NRXN1: variants seen among roughly 807,000 people sequenced by gnomAD.
NRXN1 encodes the protein neurexin-1.
NRXN1 carries 39 observed loss-of-function variants against 150.9 expected under a neutral mutation model. That is an observed-to-expected ratio of 0.26 (90% CI 0.20 to 0.34). The LOEUF is 0.34. Among genes scored for constraint, NRXN1 ranks in the 10% least tolerant of loss-of-function variants. The pLI, the probability that NRXN1 is intolerant of heterozygous loss-of-function variation, is 1.00. For synonymous variants in NRXN1, 924 were observed against 757.0 expected (o/e 1.22, Z -3.62); for missense variants, 1,815 against 1,949.9 (o/e 0.93, Z 1.30).
At chr2:50,350,954 C>T (rs762382965) in intron 17 of NRXN1, among the ~76,000 whole-genome samples, 5 of 152,036 alleles carry the variant, frequency 3.3e-5, no homozygotes, top group South Asian at 4.1e-4. Flanking sequence ...TGCTGTGATA[C>T]GGATACAGCA....
At chr2:50,706,553 A>G (rs781022777) in intron 5 of NRXN1, among the ~76,000 whole-genome samples, 3 of 152,152 alleles carry the variant, frequency 2.0e-5, no homozygotes, top group Non-Finnish European at 2.9e-5. Context: ...CAAGATGAAC[A>G]TTGGCTTTAC....
chr2:50,190,935 T>C (rs970785229), intron 18 of NRXN1, among the ~76,000 whole-genome samples: 1 of 152,138 alleles, frequency 6.6e-6, no homozygotes, highest in Admixed American at 6.5e-5. Flanking sequence ...CATTTTAAAG[T>C]GTTAACACAA....
chr2:49,948,289 C>T (rs1419820390), intron 21 of NRXN1, among the ~76,000 whole-genome samples: 1 of 152,012 alleles, frequency 6.6e-6, no homozygotes, highest in Non-Finnish European at 1.5e-5. Flanking sequence ...CTAACCAGAA[C>T]GTGTGAGAAT....
Position 50,556,517 on chromosome 2 carries a change from T to C in NRXN1, c.1321-3492A>G, listed in dbSNP as rs1221950848. 5.3e-5 allele frequency among the ~76,000 whole-genome samples: 7 copies of C among 133,002 alleles called. No homozygotes were observed. The East Asian group carries it at 1.6e-3, about 31-fold the overall frequency. 87.3% of individuals were successfully genotyped at this position (133,002 alleles called of 152,430 possible). A position where few individuals can be genotyped will look rare whatever the true frequency, so the allele number is the denominator to read the frequency against. ...TTGGGGACATTGATTTTTTTTTTTT[T>C]TTTAAAGAGTGATTCAAAATGTTGA... is the stretch of plus-strand genomic sequence containing the variant. On this transcript the variant is annotated intron_variant, in intron 8 of 22. Coordinates refer to ENST00000401669, the MANE Select transcript of NRXN1 (RefSeq NM_001330078.2).
intron 17 of NRXN1, among the ~76,000 whole-genome samples, chr2:50,393,094 A>C (rs1240076717): frequency 6.6e-6 from 1 of 152,052 alleles, no homozygotes; most frequent in Non-Finnish European, 1.5e-5. Flanking sequence ...TGCCATCTCA[A>C]GAGAGAAGCC....
chr2:50,037,346 A>T (rs138055693), intron 21 of NRXN1, among the ~76,000 whole-genome samples: 5 of 152,172 alleles, frequency 3.3e-5, no homozygotes, highest in African/African-American at 1.2e-4. Context: ...AAAGTAAAAA[A>T]TCCAGAATAT....
rs868719388 is a variant in NRXN1, at chr2:50,077,321, G to A, written c.3718+14002C>T. The stretch of plus-strand genomic sequence containing the variant: ...CTTCACCCCAATGCTGGCGCAACAT[G>A]AATTTCCTTTATTGAATCAATTTGA... On this transcript the variant is annotated intron_variant, in intron 19 of 22. Coordinates refer to ENST00000401669, the MANE Select transcript of NRXN1 (RefSeq NM_001330078.2). Among the ~76,000 whole-genome samples, 9 of 152,102 alleles carry A rather than the reference G, an allele frequency of 5.9e-5. No individual in the cohort carries two copies. In the South Asian group the frequency reaches 1.9e-3, roughly 31 times the overall value.
intron 2 of NRXN1, among the ~76,000 whole-genome samples, chr2:50,951,910 C>A (rs1176793468): frequency 7.2e-6 from 1 of 139,516 alleles, no homozygotes; most frequent in Non-Finnish European, 1.5e-5. Flanking sequence ...CTATGAATTT[C>A]ATTTTTAGAG....
chr2:50,182,294 T>C (rs1461735679), intron 18 of NRXN1, among the ~76,000 whole-genome samples: 2 of 151,978 alleles, frequency 1.3e-5, no homozygotes, highest in Non-Finnish European at 2.9e-5. Context: ...TTTCATAAGA[T>C]TTTACATGTG....
At position 50,112,912 on chromosome 2, in the gene NRXN1, C is replaced by A. The variant is rs532255490; in HGVS notation, c.3547-21418G>T. ...ATCATCAAAAGAAATCAGAAAATGA[C>A]AAACTCTTTGCTTTTTGGAACACAA... On this transcript the variant is annotated intron_variant, in intron 18 of 22. Coordinates refer to ENST00000401669, the MANE Select transcript of NRXN1 (RefSeq NM_001330078.2). Among the ~76,000 whole-genome samples, 8 of 152,132 alleles carry A rather than the reference C, an allele frequency of 5.3e-5. No individual in the cohort carries two copies. The East Asian group carries it at 1.5e-3, about 29-fold the overall frequency.
intron 19 of NRXN1, among the ~76,000 whole-genome samples, chr2:50,085,624 A>T (rs976537821): frequency 2.6e-5 from 4 of 152,056 alleles, no homozygotes; most frequent in African/African-American, 9.7e-5. Flanking sequence ...AGTATTATTG[A>T]TTCAAAACTT....
intron 5 of NRXN1, among the ~76,000 whole-genome samples, chr2:50,844,290 AGGTTATACCCTGCTCCACTTC>A (rs2105942658): frequency 6.6e-6 from 1 of 152,154 alleles, no homozygotes; most frequent in East Asian, 1.9e-4. Flanking sequence ...CCCCCTTGTA[AGGTTATACCCTGCTCCACTTC>A]TCCGCTTAAA....
rs142285737 is a variant in NRXN1, at chr2:50,996,325, G to C, written c.772+31177C>G. 6.5e-3 allele frequency among the ~76,000 whole-genome samples: 990 copies of C among 152,164 alleles called. 13 individuals carry two copies. The highest frequency in any genetic ancestry group is 0.022 in the African/African-American group (921 of 41,534). ...CATCTCATATCTGCTTCCAGGAATA[G>C]CTCAGATAGAAACTGGTGCTGGGGT... is the stretch of plus-strand genomic sequence containing the variant. On this transcript the variant is annotated intron_variant, in intron 2 of 22. Coordinates refer to ENST00000401669, the MANE Select transcript of NRXN1 (RefSeq NM_001330078.2).
intron 8 of NRXN1, among the ~76,000 whole-genome samples, chr2:50,565,002 A>T (rs866952170): frequency 2.0e-5 from 3 of 152,278 alleles, no homozygotes; most frequent in South Asian, 4.1e-4. Flanking sequence ...GCTCTACGGA[A>T]GCTCAATCAG....
chr2:50,693,981 T>C (rs1488148340), intron 5 of NRXN1, among the ~76,000 whole-genome samples: 8 of 152,028 alleles, frequency 5.3e-5, no homozygotes, highest in Non-Finnish European at 2.9e-5. Context: ...TTTGTAGAAA[T>C]AGGGTCTTCC....
intron 3 of NRXN1, among the ~76,000 whole-genome samples, chr2:50,924,225 A>C (rs2052328): frequency 0.27 from 40,628 of 151,696 alleles, 7,266 homozygotes; most frequent in East Asian, 0.62. Flanking sequence ...TGCTACATCA[A>C]TAAGGATGGA....
chr2:50,681,485 T>C (rs923753882), intron 5 of NRXN1, among the ~76,000 whole-genome samples: 3 of 152,138 alleles, frequency 2.0e-5, no homozygotes, highest in African/African-American at 7.2e-5. Context: ...GGGACTGAAA[T>C]ATAAAGTCAC....
chr2:50,984,598 G>T (rs1210080147), intron 2 of NRXN1, among the ~76,000 whole-genome samples: 1 of 152,068 alleles, frequency 6.6e-6, no homozygotes, highest in Non-Finnish European at 1.5e-5. Flanking sequence ...ATCTGGGATA[G>T]AAAGGGATTA....
chr2:51,015,847 A>AC (rs1668591159), intron 2 of NRXN1, among the ~76,000 whole-genome samples: 1 of 151,848 alleles, frequency 6.6e-6, no homozygotes, highest in Non-Finnish European at 1.5e-5. Context: ...TTTTAAACTT[A>AC]CAAGTTACCA....
Sources: gnomAD v4.1 joint callset for allele counts (sites outside exome capture counted in the v4.1 genomes callset) on GRCh38, gnomAD v4.1.1 for gene constraint, MANE v1.5 for transcripts, NCBI Gene and HGNC (gene_info 2026-07-23, HGNC 2026-07-21) for gene names.